ITIH5: variants seen among roughly 807,000 people sequenced by gnomAD.
The protein encoded by ITIH5 is inter-alpha-trypsin inhibitor heavy chain H5.
ITIH5 carries 65 observed loss-of-function variants against 77.5 expected under a neutral mutation model. The ratio of observed to expected loss-of-function variants is 0.84; its 90% CI spans 0.69 to 1.03. The LOEUF (loss-of-function observed/expected upper bound fraction) is 1.03. Ranked by LOEUF, ITIH5 falls within the 50% of genes least tolerant of loss-of-function variation. ITIH5 has a pLI of 0.00. For synonymous variants in ITIH5, 525 were observed against 494.3 expected (o/e 1.06, Z -0.82); for missense variants, 1,208 against 1,213.1 (o/e 1.00, Z 0.06).
chr10:7,621,629 T>C (rs981209021), intron 5 of ITIH5: 1 of 152,156 alleles, frequency 6.6e-6, no homozygotes, highest in Non-Finnish European at 1.5e-5. Context: ...TACTTTTTTT[T>C]TAAGTTTACT....
chr10:7,639,640 T>C (rs2131077043), intron 4 of ITIH5, among the ~76,000 whole-genome samples: 1 of 152,342 alleles, frequency 6.6e-6, no homozygotes, highest in African/African-American at 2.4e-5. Context: ...AAGATCATTT[T>C]TCTGCCAAGG....
chr10:7,615,147 T>C (rs1833339041), intron 7 of ITIH5, among the ~76,000 whole-genome samples: 1 of 152,134 alleles, frequency 6.6e-6, no homozygotes, highest in Admixed American at 6.5e-5. Flanking sequence ...CTCAGGAGGC[T>C]GAGGCAGGAG....
chr10:7,660,863 C>T (rs1564285099), intron 1 of ITIH5, among the ~76,000 whole-genome samples: 1 of 152,230 alleles, frequency 6.6e-6, no homozygotes, highest in Non-Finnish European at 1.5e-5. Flanking sequence ...CTCCATTCTT[C>T]TTTTGAGCTA....
chr10:7,584,066 A>G (rs1192748572), intron 8 of ITIH5, among the ~76,000 whole-genome samples: 3 of 152,174 alleles, frequency 2.0e-5, no homozygotes, highest in Non-Finnish European at 2.9e-5. Flanking sequence ...CATTCTACAG[A>G]TGAGGAAACT....
intron 6 of ITIH5, 70 bp from the exon 7 acceptor site, chr10:7,616,168 G>C: frequency 3.5e-6 from 3 of 847,956 alleles, no homozygotes; most frequent in East Asian, 4.9e-5. Flanking sequence ...GAAGTGGGTA[G>C]TCTATGGAAT....
intron 9 of ITIH5, 39 bp downstream of exon 9, chr10:7,579,716 T>C: frequency 6.3e-7 from 1 of 1,596,450 alleles, no homozygotes. Context: ...CCTCAGCCCC[T>C]CAAACAGCCT....
Position 7,666,931 on chromosome 10 carries a change from G to C in ITIH5, c.-39C>G. Reference sequence around the variant, plus strand: ...CGCGGGACGCTCGGGGACCCGGCGGGACACGCTTTGCAGCGCCCAGGGCTC... The same window carrying C: ...CGCGGGACGCTCGGGGACCCGGCGGCACACGCTTTGCAGCGCCCAGGGCTC... On this transcript the variant is annotated 5_prime_UTR_variant, in exon 1 of 14. Transcript: ENST00000397146. The C allele has an allele frequency of 6.5e-7, 1 of 1,529,094 alleles. No homozygotes were observed. The highest frequency in any genetic ancestry group is 8.9e-7 in the Non-Finnish European group (1 of 1,128,600). 94.7% of individuals were successfully genotyped at this position (1,529,094 alleles called of 1,614,324 possible).
Position 7,579,793 on chromosome 10 carries a change from G to T in ITIH5, c.1380C>A (p.Arg460=), listed in dbSNP as rs545560919. The T allele has an allele frequency of 1.9e-6, 3 of 1,614,084 alleles. No homozygotes were observed. The South Asian group carries it at 3.3e-5, about 18-fold the overall frequency. ...AGCCTGCGTCCTCCTCCTCGTGCACGCGCCGTGTGAGGCCACAGTTCTCCA... is the reference window on the plus strand; with the variant it reads ...AGCCTGCGTCCTCCTCCTCGTGCACTCGCCGTGTGAGGCCACAGTTCTCCA... The part of the protein sequence containing the change: ...LSLENCGLTR[R]VHEEEDAGSQ... Residue 460 remains arginine (R), a synonymous_variant, in exon 9 of 14, where the codon CGC becomes CGA. Coordinates refer to ENST00000397146, the MANE Select transcript of ITIH5 (RefSeq NM_030569.7).
At chr10:7,635,496 G>A (rs1460376012) in intron 5 of ITIH5, among the ~76,000 whole-genome samples, 1 of 152,114 alleles carries the variant, frequency 6.6e-6, no homozygotes, top group Non-Finnish European at 1.5e-5. Context: ...ATTTCTAAAT[G>A]CCAGGTACCT....
At chr10:7,605,174 T>C (rs1833097944) in intron 7 of ITIH5, among the ~76,000 whole-genome samples, 1 of 151,946 alleles carries the variant, frequency 6.6e-6, no homozygotes, top group Non-Finnish European at 1.5e-5. Context: ...GAAAGTGACT[T>C]AGGGCTGATG....
chr10:7,575,763 T>C (rs1448690366), intron 10 of ITIH5, among the ~76,000 whole-genome samples: 1 of 152,094 alleles, frequency 6.6e-6, no homozygotes, highest in Non-Finnish European at 1.5e-5. Flanking sequence ...ACTACATAAC[T>C]CTGAAGTGCT....
chr10:7,580,587 G>T (rs1048237984), intron 8 of ITIH5, among the ~76,000 whole-genome samples: 2 of 152,226 alleles, frequency 1.3e-5, no homozygotes, highest in African/African-American at 4.8e-5. Context: ...AAGGCATGTG[G>T]CGACGCCTTA....
chr10:7,619,612 C>A, intron 5 of ITIH5: 1 of 394,472 alleles, frequency 2.5e-6, no homozygotes, highest in Non-Finnish European at 5.2e-6. Context: ...CCTCGGGAAA[C>A]TTACAATCAC....
intron 11 of ITIH5, chr10:7,572,891 C>G: frequency 2.8e-6 from 1 of 359,184 alleles, no homozygotes; most frequent in Non-Finnish European, 5.1e-6. Context: ...GATTCTCCTG[C>G]CTCAGCCTCC....
At chr10:7,647,581 C>A (rs1426930490) in intron 2 of ITIH5, among the ~76,000 whole-genome samples, 3 of 115,514 alleles carry the variant, frequency 2.6e-5, no homozygotes, top group Non-Finnish European at 5.9e-5. Context: ...CAATAGAAAA[C>A]GTGAACACCT....
At chr10:7,603,759 A>G (rs1344968498) in intron 7 of ITIH5, among the ~76,000 whole-genome samples, 1 of 151,878 alleles carries the variant, frequency 6.6e-6, no homozygotes, top group African/African-American at 2.4e-5. Context: ...ATTTTTTTGT[A>G]TTTTTAGTAG....
rs1832025939 is a variant in ITIH5, at chr10:7,560,742, A to G, written c.*2341T>C. On this transcript the variant is annotated 3_prime_UTR_variant, in exon 14 of 14. Transcript: ENST00000397146. ...ATGACATATTTCTTCATCTCATTCA[A>G]TTACTCATTTTGGAACAACCCTCGC... 6.6e-6 allele frequency: 1 copy of G among 152,200 alleles called. No individual in the cohort carries two copies. Among genetic ancestry groups the G allele is most frequent in the Non-Finnish European group, 1.5e-5 (1 of 68,028 alleles). 9.4% of individuals were successfully genotyped at this position (152,200 alleles called of 1,614,324 possible).
rs776367434 is a variant in ITIH5, at chr10:7,573,205, A to G, written c.1979-10T>C. On this transcript the variant is annotated splice_polypyrimidine_tract_variant and intron_variant, in intron 10 of 13. Transcript: ENST00000397146. ...TTCTTGAGCAAAGGTCCTAAAAGGGAGAAGGAAGAGAACATCATGGTCATT... is the reference window on the plus strand; with the variant it reads ...TTCTTGAGCAAAGGTCCTAAAAGGGGGAAGGAAGAGAACATCATGGTCATT... 6.2e-7 allele frequency: 1 copy of G among 1,609,404 alleles called. No homozygotes were observed. The highest frequency in any genetic ancestry group is 1.7e-5 in the Admixed American group (1 of 59,992).
chr10:7,613,917 G>A (rs1462224285), intron 7 of ITIH5, among the ~76,000 whole-genome samples: 2 of 152,152 alleles, frequency 1.3e-5, no homozygotes, highest in Non-Finnish European at 2.9e-5. Context: ...CCTGAAAATG[G>A]ACTAAAGTAA....
Sources: gnomAD v4.1 joint callset for allele counts (sites outside exome capture counted in the v4.1 genomes callset) on GRCh38, gnomAD v4.1.1 for gene constraint, MANE v1.5 for transcripts, NCBI Gene and HGNC (gene_info 2026-07-23, HGNC 2026-07-21) for gene names.